MAP2: variants seen among roughly 807,000 people sequenced by gnomAD.
MAP2 encodes the protein microtubule associated protein 2.
MAP2 carries 14 observed loss-of-function variants against 137.6 expected under a neutral mutation model. The observed-to-expected ratio is 0.10, with a 90% confidence interval of 0.07 to 0.16. The LOEUF (loss-of-function observed/expected upper bound fraction) is 0.16. Ranked by LOEUF, MAP2 falls within the 10% of genes least tolerant of loss-of-function variation. The pLI, the probability that MAP2 is intolerant of heterozygous loss-of-function variation, is 1.00. For missense variants in MAP2, 2,088 were observed against 2,191.5 expected, an observed-to-expected ratio of 0.95 and a Z score of 0.94; for synonymous variants, 786 against 782.3, an observed-to-expected ratio of 1.00 and a Z score of -0.08.
chr2:209,606,229 CTT>C (rs2084706156), intron 3 of MAP2, among the ~76,000 whole-genome samples: 1 of 152,014 alleles, frequency 6.6e-6, no homozygotes, highest in Admixed American at 6.6e-5. Context: ...ATTTCTGGCT[CTT>C]TCATAAAGTT....
intron 2 of MAP2, among the ~76,000 whole-genome samples, chr2:209,545,957 G>A (rs976419549): frequency 4.6e-5 from 7 of 152,202 alleles, no homozygotes; most frequent in African/African-American, 1.4e-4. Context: ...TGGTTAACAC[G>A]GTGAAACCCC....
chr2:209,454,272 TG>T (rs1701009917), intron 1 of MAP2, among the ~76,000 whole-genome samples: 1 of 151,592 alleles, frequency 6.6e-6, no homozygotes, highest in African/African-American at 2.4e-5. Context: ...TTCTTTCTGG[TG>T]TAAGGCAGGA....
At chr2:209,464,662 A>G (rs1703689641) in intron 1 of MAP2, among the ~76,000 whole-genome samples, 1 of 152,116 alleles carries the variant, frequency 6.6e-6, no homozygotes, top group African/African-American at 2.4e-5. Context: ...ACACATTAAT[A>G]ATAAAATTGC....
chr2:209,506,225 G>A (rs139041994), intron 1 of MAP2, among the ~76,000 whole-genome samples: 3 of 151,922 alleles, frequency 2.0e-5, no homozygotes, highest in South Asian at 2.1e-4. Context: ...CTATCATTTC[G>A]TTATTGTAGG....
At chr2:209,662,340 C>T (rs1485530623) in intron 5 of MAP2, among the ~76,000 whole-genome samples, 1 of 152,180 alleles carries the variant, frequency 6.6e-6, no homozygotes, top group Non-Finnish European at 1.5e-5. Flanking sequence ...AACTACATCA[C>T]AAGCGCAAAA....
intron 5 of MAP2, among the ~76,000 whole-genome samples, chr2:209,676,722 TA>T (rs1434371856): frequency 1.5e-3 from 2 of 1,308 alleles, no homozygotes; most frequent in Non-Finnish European, 2.2e-3. Context: ...ACAAAGGTCA[TA>T]TATATATATA....
chr2:209,492,409 T>C (rs2150003401), intron 1 of MAP2, among the ~76,000 whole-genome samples: 1 of 152,192 alleles, frequency 6.6e-6, no homozygotes, highest in East Asian at 1.9e-4. Context: ...TCACCACTCC[T>C]ATTTAACATA....
rs543596001 is a variant in MAP2, at chr2:209,694,681, G to A, written c.2511G>A (p.Glu837=). ...EVARRKSVPS[E]TVVEDSRTGL... is the part of the protein sequence containing the mutation. ...CCAGGAGGAAATCAGTCCCATCAGAGACTGTGGTTGAGGATAGTCGTACTG... is the reference window on the plus strand; with the variant it reads ...CCAGGAGGAAATCAGTCCCATCAGAAACTGTGGTTGAGGATAGTCGTACTG... The change falls in exon 8 of 16, where the codon GAG becomes GAA. Residue 837 remains glutamate, a synonymous_variant. Coordinates refer to ENST00000682079, the MANE Select transcript of MAP2 (RefSeq NM_001375505.1). 5.0e-6 allele frequency: 8 copies of A among 1,614,118 alleles called. No individual in the cohort carries two copies. The highest frequency in any genetic ancestry group is 4.0e-5 in the African/African-American group (3 of 75,028).
At chr2:209,631,255 G>A (rs997983457) in intron 4 of MAP2, among the ~76,000 whole-genome samples, 1 of 152,030 alleles carries the variant, frequency 6.6e-6, no homozygotes, top group Non-Finnish European at 1.5e-5. Flanking sequence ...AGCAAGAGAT[G>A]TGCGGGTATG....
intron 2 of MAP2, among the ~76,000 whole-genome samples, chr2:209,562,756 C>G (rs1282286286): frequency 6.6e-6 from 1 of 151,946 alleles, no homozygotes; most frequent in South Asian, 2.1e-4. Flanking sequence ...AAACTGAAAC[C>G]AATGCCTCAA....
intron 3 of MAP2, among the ~76,000 whole-genome samples, chr2:209,603,137 G>T (rs2083478463): frequency 6.6e-6 from 1 of 152,298 alleles, no homozygotes; most frequent in South Asian, 2.1e-4. Context: ...CTTAAGCTTG[G>T]AGAGAAGAAT....
At position 209,692,901 on chromosome 2, in the gene MAP2, G is replaced by C; in HGVS notation, c.731G>C (p.Ser244Thr). 6.2e-7 allele frequency: 1 copy of C among 1,614,054 alleles called. No homozygotes were observed. Among genetic ancestry groups the C allele is most frequent in the African/African-American group, 1.3e-5 (1 of 75,036 alleles). The change falls in exon 8 of 16, where the codon AGC becomes ACC. Residue 244 changes from serine (S) to threonine (T), a missense_variant. Physicochemically the swap from Ser to Thr is moderately conservative, Grantham distance 58. Transcript: ENST00000682079. ...GACATGAAACAGAAGACAGAACCAAGCCTTGTAGTACCTGGCATTGACCTC... is the reference window on the plus strand; with the variant it reads ...GACATGAAACAGAAGACAGAACCAACCCTTGTAGTACCTGGCATTGACCTC... ...LEDMKQKTEP[S>T]LVVPGIDLPK...
At chr2:209,476,166 C>A (rs1187313855) in intron 1 of MAP2, among the ~76,000 whole-genome samples, 1 of 152,006 alleles carries the variant, frequency 6.6e-6, no homozygotes, top group African/African-American at 2.4e-5. Flanking sequence ...TAAGCCAAAG[C>A]CTTCTCGAGA....
At chr2:209,466,761 G>A (rs1025891388) in intron 1 of MAP2, among the ~76,000 whole-genome samples, 1 of 152,168 alleles carries the variant, frequency 6.6e-6, no homozygotes, top group African/African-American at 2.4e-5. Context: ...GAATTGAAAA[G>A]AACTTGTGGA....
At chr2:209,491,621 G>C (rs2059128228) in intron 1 of MAP2, among the ~76,000 whole-genome samples, 1 of 152,112 alleles carries the variant, frequency 6.6e-6, no homozygotes, top group African/African-American at 2.4e-5. Flanking sequence ...GATCACCACT[G>C]ATCCCACAGA....
intron 1 of MAP2, among the ~76,000 whole-genome samples, chr2:209,494,642 T>C (rs1260407591): frequency 6.6e-6 from 1 of 152,206 alleles, no homozygotes; most frequent in Admixed American, 6.5e-5. Flanking sequence ...ATCATACAAA[T>C]GGACAACCAA....
chr2:209,727,165 T>TA (rs1387081872), intron 14 of MAP2, among the ~76,000 whole-genome samples: 1 of 152,218 alleles, frequency 6.6e-6, no homozygotes, highest in Non-Finnish European at 1.5e-5. Flanking sequence ...TGTCTTCACT[T>TA]ACAGTTTCAG....
At chr2:209,606,251 CT>C (rs1425655241) in intron 3 of MAP2, among the ~76,000 whole-genome samples, 23 of 152,012 alleles carry the variant, frequency 1.5e-4, no homozygotes, top group Non-Finnish European at 1.0e-4. Flanking sequence ...TACTTGAAGA[CT>C]GTTTCTAAAT....
intron 3 of MAP2, among the ~76,000 whole-genome samples, chr2:209,588,711 T>A (rs1386023768): frequency 6.6e-6 from 1 of 152,130 alleles, no homozygotes. Context: ...AGGATTCTTC[T>A]GACATAGTGC....
Sources: gnomAD v4.1 joint callset for allele counts (sites outside exome capture counted in the v4.1 genomes callset) on GRCh38, gnomAD v4.1.1 for gene constraint, MANE v1.5 for transcripts, NCBI Gene and HGNC (gene_info 2026-07-23, HGNC 2026-07-21) for gene names.